Variants in SLC30A9 observed in about 807,000 individuals in gnomAD.
SLC30A9 encodes the protein solute carrier family 30 member 9, also known as proton-coupled zinc antiporter SLC30A9, mitochondrial.
A neutral mutation model predicts 87.5 loss-of-function variants in SLC30A9; 58 were observed. The ratio of observed to expected loss-of-function variants is 0.66; its 90% CI spans 0.54 to 0.82. The LOEUF is 0.82. SLC30A9 is among the 40% of genes least tolerant of loss of function. SLC30A9 has a pLI of 0.00. For synonymous variants in SLC30A9, 234 were observed against 233.0 expected, an observed-to-expected ratio of 1.00 and a Z score of -0.04; for missense variants, 557 against 679.1, an observed-to-expected ratio of 0.82 and a Z score of 2.00.
intron 1 of SLC30A9, among the ~76,000 whole-genome samples, chr4:41,994,704 A>T (rs1302087353): frequency 6.6e-6 from 1 of 151,682 alleles, no homozygotes; most frequent in Admixed American, 6.6e-5. Flanking sequence ...TCTGGCCAAC[A>T]TCGTGAAACC....
chr4:42,049,349 G>A (rs764274759), intron 8 of SLC30A9, 28 bp from the exon 9 acceptor site: 2 of 1,480,286 alleles, frequency 1.4e-6, no homozygotes, highest in East Asian at 4.6e-5. Context: ...CCAAACCTAT[G>A]CTAAATTGTT....
intron 2 of SLC30A9, among the ~76,000 whole-genome samples, chr4:42,007,820 C>CGTCTGA (rs1715278519): frequency 6.6e-6 from 1 of 151,790 alleles, no homozygotes; most frequent in South Asian, 2.1e-4. Context: ...ATCATTATCT[C>CGTCTGA]TTGTCTGATT....
intron 1 of SLC30A9, among the ~76,000 whole-genome samples, chr4:41,996,641 T>C (rs1352275482): frequency 6.6e-6 from 1 of 150,746 alleles, no homozygotes; most frequent in African/African-American, 2.4e-5. Context: ...TACTCAGGAG[T>C]CTGAGATGGG....
intron 8 of SLC30A9, among the ~76,000 whole-genome samples, chr4:42,042,357 G>T (rs538265110): frequency 3.0e-4 from 45 of 152,176 alleles, no homozygotes; most frequent in Non-Finnish European, 5.9e-4. Flanking sequence ...GACATGGGAT[G>T]CTTGAGTTTG....
At chr4:42,003,392 A>G (rs1169586942) in intron 2 of SLC30A9, among the ~76,000 whole-genome samples, 2 of 152,060 alleles carry the variant, frequency 1.3e-5, no homozygotes, top group African/African-American at 2.4e-5. Context: ...ACCAAGGGAG[A>G]TGTTGGAGTA....
At chr4:41,992,150 A>AT (rs1713679296) in intron 1 of SLC30A9, among the ~76,000 whole-genome samples, 1 of 151,654 alleles carries the variant, frequency 6.6e-6, no homozygotes, top group Admixed American at 6.6e-5. Context: ...TTCCAAGACC[A>AT]GCCCGGGCAA....
At chr4:42,039,282 T>G (rs1349426673) in intron 8 of SLC30A9, among the ~76,000 whole-genome samples, 1 of 152,180 alleles carries the variant, frequency 6.6e-6, no homozygotes, top group East Asian at 1.9e-4. Context: ...TGTAGTTAGA[T>G]CTAAGAATAG....
At chr4:42,032,121 C>T (rs1427704202) in intron 6 of SLC30A9, among the ~76,000 whole-genome samples, 2 of 152,120 alleles carry the variant, frequency 1.3e-5, no homozygotes, top group Admixed American at 1.3e-4. Context: ...ATGACCAGAT[C>T]TCATGAGAAC....
At chr4:42,001,261 G>A (rs1714971347) in intron 1 of SLC30A9, among the ~76,000 whole-genome samples, 1 of 152,010 alleles carries the variant, frequency 6.6e-6, no homozygotes, top group African/African-American at 2.4e-5. Context: ...ATAATTTTGT[G>A]TAGGAAGTCT....
At chr4:41,997,665 ATTC>A (rs1714780216) in intron 1 of SLC30A9, among the ~76,000 whole-genome samples, 1 of 152,176 alleles carries the variant, frequency 6.6e-6, no homozygotes, top group Non-Finnish European at 1.5e-5. Context: ...TAATTTAATC[ATTC>A]TTCTATTAGG....
At chr4:42,018,372 A>G in intron 3 of SLC30A9, 1 of 1,212,206 alleles carries the variant, frequency 8.2e-7, no homozygotes, top group Middle Eastern at 2.1e-4. Context: ...CATTTTTGTC[A>G]CAAATTTTTT....
At chr4:42,073,355 C>A (rs1718393036) in intron 15 of SLC30A9, among the ~76,000 whole-genome samples, 1 of 152,150 alleles carries the variant, frequency 6.6e-6, no homozygotes, top group Non-Finnish European at 1.5e-5. Context: ...GAAAGACTGG[C>A]AAATTCGAAA....
At chr4:42,052,541 T>C (rs1717419846) in intron 9 of SLC30A9, among the ~76,000 whole-genome samples, 2 of 152,224 alleles carry the variant, frequency 1.3e-5, no homozygotes, top group African/African-American at 4.8e-5. Flanking sequence ...GGCATAAGGA[T>C]TGACAAATCA....
chr4:42,045,639 A>G (rs1269938514), intron 8 of SLC30A9, among the ~76,000 whole-genome samples: 1 of 151,792 alleles, frequency 6.6e-6, no homozygotes, highest in African/African-American at 2.4e-5. Context: ...ATTCTACCAG[A>G]GGTGCAAAGA....
intron 15 of SLC30A9, among the ~76,000 whole-genome samples, chr4:42,075,432 T>C (rs1407706721): frequency 6.6e-6 from 1 of 151,982 alleles, no homozygotes; most frequent in African/African-American, 2.4e-5. Context: ...TAAAATAATA[T>C]TTGTTAAGTT....
At chr4:42,010,675 G>A (rs562891253) in intron 2 of SLC30A9, among the ~76,000 whole-genome samples, 1 of 152,220 alleles carries the variant, frequency 6.6e-6, no homozygotes, top group Admixed American at 6.5e-5. Flanking sequence ...CTTTGAAAGA[G>A]GTAACTCAAT....
rs563013446 is a variant in SLC30A9, at chr4:42,058,377, G to T, written c.841-1814G>T. ...GTCCGTATTGCTGTCAGCATTTTGG[G>T]CAAAGCCATTCAACAAGTCTCTAGG... On this transcript the variant is annotated intron_variant, in intron 9 of 17. Transcript: ENST00000264451. 3.9e-5 allele frequency among the ~76,000 whole-genome samples: 6 copies of T among 152,220 alleles called. No homozygotes were observed. In the South Asian group the frequency reaches 1.0e-3, roughly 26 times the overall value.
chr4:42,003,355 T>G (rs1361275445), intron 2 of SLC30A9, among the ~76,000 whole-genome samples: 1 of 152,198 alleles, frequency 6.6e-6, no homozygotes, highest in Non-Finnish European at 1.5e-5. Flanking sequence ...AGTACAGATC[T>G]TTGTCCTGTT....
intron 3 of SLC30A9, among the ~76,000 whole-genome samples, chr4:42,019,379 A>T (rs1228887276): frequency 1.3e-5 from 2 of 152,190 alleles, no homozygotes; most frequent in Admixed American, 1.3e-4. Context: ...TAACTCACAG[A>T]CTATAATTGA....
Sources: gnomAD v4.1 joint callset for allele counts (sites outside exome capture counted in the v4.1 genomes callset) on GRCh38, gnomAD v4.1.1 for gene constraint, MANE v1.5 for transcripts, NCBI Gene and HGNC (gene_info 2026-07-23, HGNC 2026-07-21) for gene names.